Variants in TMEM154 observed in about 807,000 individuals in gnomAD.
TMEM154 encodes the protein transmembrane protein 154.
TMEM154 carries 27 observed loss-of-function variants against 24.5 expected under a neutral mutation model. The observed-to-expected ratio is 1.10, with a 90% confidence interval of 0.81 to 1.52. The LOEUF (loss-of-function observed/expected upper bound fraction) is 1.52. TMEM154 is among the 40% of genes most tolerant of loss of function. The pLI is 0.00. For synonymous variants in TMEM154, 67 were observed against 76.8 expected, an observed-to-expected ratio of 0.87 and a Z score of 0.67; for missense variants, 228 against 213.4, an observed-to-expected ratio of 1.07 and a Z score of -0.43.
chr4:152,679,022 C>T (rs751738408), intron 1 of TMEM154, among the ~76,000 whole-genome samples: 6 of 152,160 alleles, frequency 3.9e-5, no homozygotes, highest in Non-Finnish European at 5.9e-5. Flanking sequence ...TAGAAGCAGT[C>T]GGTGTTCATT....
At position 152,646,878 on chromosome 4, in the gene TMEM154, G is replaced by A. The variant is rs559888265; in HGVS notation, c.365-2436C>T. The A allele has an allele frequency of 4.3e-5, 30 of 696,882 alleles. No homozygotes were observed. In the African/African-American group the frequency reaches 4.6e-4, roughly 11 times the overall value. The allele number at this position is 696,882 out of a possible 1,614,324, so 43.2% of individuals were successfully genotyped here. A position where few individuals can be genotyped will look rare whatever the true frequency, so the allele number is the denominator to read the frequency against. ...TCCAGAAGATTTACTGAGTAAGCCA[G>A]GCATCATGTAGCCACAGCCTGTTTA... On this transcript the variant is annotated intron_variant, in intron 3 of 6. Coordinates refer to ENST00000304385, the MANE Select transcript of TMEM154 (RefSeq NM_152680.3).
At chr4:152,671,577 C>CTACTAAAAAT (rs1373579885) in intron 1 of TMEM154, among the ~76,000 whole-genome samples, 8 of 150,550 alleles carry the variant, frequency 5.3e-5, no homozygotes, top group Non-Finnish European at 1.0e-4. Flanking sequence ...GAAACCCCGT[C>CTACTAAAAAT]TCTACTAAAA....
At chr4:152,657,741 C>T (rs910711261) in intron 1 of TMEM154, among the ~76,000 whole-genome samples, 4 of 152,102 alleles carry the variant, frequency 2.6e-5, no homozygotes, top group Admixed American at 1.3e-4. Context: ...TATAAAGGAA[C>T]CCCTATCAGA....
intron 6 of TMEM154, among the ~76,000 whole-genome samples, chr4:152,634,384 C>T (rs1282509951): frequency 1.3e-5 from 2 of 152,180 alleles, no homozygotes; most frequent in Non-Finnish European, 2.9e-5. Context: ...TGCTCTCTAA[C>T]TCATTTTTGT....
At chr4:152,647,397 G>A (rs2149782613) in intron 3 of TMEM154, 1 of 930,644 alleles carries the variant, frequency 1.1e-6, no homozygotes, top group African/African-American at 1.8e-5. Context: ...CAGTTTTTCT[G>A]AAAAGTTGTC....
chr4:152,653,190 G>A (rs758945247), intron 1 of TMEM154, among the ~76,000 whole-genome samples: 9 of 152,142 alleles, frequency 5.9e-5, no homozygotes, highest in Non-Finnish European at 8.8e-5. Flanking sequence ...TTTTAGATAC[G>A]CTTAAGCAAA....
chr4:152,626,250 T>A lies in TMEM154; in HGVS notation c.*2296A>T, dbSNP rs984904693. 5.2e-5 allele frequency: 8 copies of A among 152,648 alleles called. No homozygotes were observed. The highest frequency in any genetic ancestry group is 5.2e-4 in the Admixed American group (8 of 15,284). 9.5% of individuals were successfully genotyped at this position (152,648 alleles called of 1,614,324 possible). A position where few individuals can be genotyped will look rare whatever the true frequency, so the allele number is the denominator to read the frequency against. ...TCTTTTAAATATTCGAAAGTCAGATTTTGTTCTGATTGCCCTATCCAATTA... is the reference window on the plus strand; with the variant it reads ...TCTTTTAAATATTCGAAAGTCAGATATTGTTCTGATTGCCCTATCCAATTA... On this transcript the variant is annotated 3_prime_UTR_variant, in exon 7 of 7. Transcript: ENST00000304385.
chr4:152,629,032 A>G (rs12512841), intron 6 of TMEM154, among the ~76,000 whole-genome samples: 128,905 of 152,114 alleles, frequency 0.85, 55,974 homozygotes, highest in South Asian at 0.96. Context: ...CAGGAAGCCA[A>G]TGGTGTCCAG....
At chr4:152,644,567 A>G (rs1752319096) in intron 3 of TMEM154, 125 bp from the exon 4 acceptor site, 10 of 912,506 alleles carry the variant, frequency 1.1e-5, no homozygotes, top group Admixed American at 1.0e-4. Context: ...TTTTTAAAGG[A>G]GCGATCATTA....
rs767944195 is a variant in TMEM154, at chr4:152,652,544, G to A, written c.358C>T (p.Gln120Ter). 1.9e-6 allele frequency: 3 copies of A among 1,613,906 alleles called. No homozygotes were observed. Among genetic ancestry groups the A allele is most frequent in the Non-Finnish European group, 2.5e-6 (3 of 1,179,944 alleles). ...PSSQGSQSAL[Q>*]TYELGSENVK... ...GTTTTAGGATAATACTCACATGTCT[G>A]TAAAGCACTCTGAGATCCTTGGCTA... Residue 120 changes from glutamine to a stop codon, truncating the protein, a stop_gained, in exon 3 of 7, where the codon CAG becomes TAG. Transcript: ENST00000304385. LOFTEE classifies it high-confidence loss of function.
chr4:152,631,191 T>C (rs1243677191), intron 6 of TMEM154, among the ~76,000 whole-genome samples: 1 of 152,238 alleles, frequency 6.6e-6, no homozygotes, highest in African/African-American at 2.4e-5. Flanking sequence ...TAGAAATTTT[T>C]ACAATTTACA....
At chr4:152,646,109 C>T (rs1752367795) in intron 3 of TMEM154, among the ~76,000 whole-genome samples, 1 of 152,050 alleles carries the variant, frequency 6.6e-6, no homozygotes, top group Non-Finnish European at 1.5e-5. Context: ...TGTTTTGTCA[C>T]TCCCTCCTCC....
At position 152,623,386 on chromosome 4, in the gene TMEM154, C is replaced by T. The variant is rs1371616900; in HGVS notation, c.*5160G>A. Reference sequence around the variant, plus strand: ...GTTTAACTTGTTGAATACCTATAATCTCTGCTTTTTCTGAAAGCTGGCATT... The same window carrying T: ...GTTTAACTTGTTGAATACCTATAATTTCTGCTTTTTCTGAAAGCTGGCATT... On this transcript the variant is annotated 3_prime_UTR_variant, in exon 7 of 7. Coordinates refer to ENST00000304385, the MANE Select transcript of TMEM154 (RefSeq NM_152680.3). 6.6e-6 allele frequency: 1 copy of T among 151,824 alleles called. No individual in the cohort carries two copies. Among genetic ancestry groups the T allele is most frequent in the African/African-American group, 2.4e-5 (1 of 41,298 alleles). 9.4% of individuals were successfully genotyped at this position (151,824 alleles called of 1,614,324 possible). A position where few individuals can be genotyped will look rare whatever the true frequency, so the allele number is the denominator to read the frequency against.
intron 1 of TMEM154, among the ~76,000 whole-genome samples, chr4:152,656,288 A>G (rs1012258919): frequency 1.3e-5 from 2 of 152,138 alleles, no homozygotes; most frequent in Admixed American, 1.3e-4. Flanking sequence ...TGGAAGCCCA[A>G]AAACCAGCCT....
chr4:152,642,592 C>T (rs1579515304), intron 5 of TMEM154, among the ~76,000 whole-genome samples: 1 of 152,168 alleles, frequency 6.6e-6, no homozygotes, highest in Non-Finnish European at 1.5e-5. Flanking sequence ...ACACTGTCCA[C>T]TTAGTAGCCA....
chr4:152,641,038 A>G (rs752450442), intron 5 of TMEM154, 53 bp from the exon 6 acceptor site: 7 of 1,553,840 alleles, frequency 4.5e-6, no homozygotes, highest in African/African-American at 1.4e-5. Flanking sequence ...CGTATTTTCT[A>G]TCCACAAACC....
At chr4:152,631,762 T>C (rs952889731) in intron 6 of TMEM154, among the ~76,000 whole-genome samples, 1 of 147,010 alleles carries the variant, frequency 6.8e-6, no homozygotes, top group African/African-American at 2.5e-5. Context: ...TACAAGAACA[T>C]TGAGTTTTTA....
Position 152,652,685 on chromosome 4 carries a change from T to C in TMEM154, c.307A>G (p.Arg103Gly), listed in dbSNP as rs764542385. 3 of 1,613,486 alleles carry C rather than the reference T, an allele frequency of 1.9e-6. No homozygotes were observed. Among genetic ancestry groups the C allele is most frequent in the South Asian group, 2.2e-5 (2 of 90,958 alleles). Reference sequence around the variant, plus strand: ...TATTTACCTTGTTTAGTTCTTTTTCTTTTATAGTATGTTGCAAGGAATACC... The same window carrying C: ...TATTTACCTTGTTTAGTTCTTTTTCCTTTATAGTATGTTGCAAGGAATACC... ...SVVFLATYYK[R>G]KRTKQEPSSQ... The change falls in exon 2 of 7, where the codon AGA (arginine) becomes GGA (glycine). Residue 103 changes from arginine to glycine, a missense_variant. By Grantham distance (125) the Arg-to-Gly change is moderately radical. Transcript: ENST00000304385.
chr4:152,663,821 T>G (rs1728664137), intron 1 of TMEM154, among the ~76,000 whole-genome samples: 1 of 152,246 alleles, frequency 6.6e-6, no homozygotes, highest in African/African-American at 2.4e-5. Context: ...ACAGAGTCAC[T>G]TACAAATACT....
Sources: allele counts gnomAD v4.1 joint callset (sites outside exome capture counted in the v4.1 genomes callset), GRCh38; gene constraint gnomAD v4.1.1; transcripts MANE v1.5; gene names NCBI Gene and HGNC (gene_info 2026-07-23, HGNC 2026-07-21).